Variants in FOXP1 observed in about 807,000 individuals in gnomAD.
The protein encoded by FOXP1 is forkhead box protein P1.
A neutral mutation model predicts 98.2 loss-of-function variants in FOXP1; 15 were observed. That is an observed-to-expected ratio of 0.15 (90% CI 0.10 to 0.24). The LOEUF is 0.24. Ranked by LOEUF, FOXP1 falls within the 10% of genes least tolerant of loss-of-function variation. FOXP1 has a pLI of 1.00. For synonymous variants in FOXP1, 371 were observed against 314.5 expected (o/e 1.18, Z -1.90); for missense variants, 633 against 848.5 (o/e 0.75, Z 3.15).
chr3:71,092,166 C>T (rs575481274), intron 7 of FOXP1, among the ~76,000 whole-genome samples: 10 of 148,856 alleles, frequency 6.7e-5, no homozygotes, highest in African/African-American at 2.0e-4. Context: ...CCAGCCTGGG[C>T]GACAGAGTGA....
intron 3 of FOXP1, among the ~76,000 whole-genome samples, chr3:71,441,624 G>A (rs2085951720): frequency 1.3e-5 from 2 of 152,216 alleles, no homozygotes; most frequent in East Asian, 3.8e-4. Context: ...TGTGTCCAAA[G>A]TCAGTACCAC....
intron 2 of FOXP1, among the ~76,000 whole-genome samples, chr3:71,577,051 T>C (rs1478541503): frequency 6.6e-6 from 1 of 152,168 alleles, no homozygotes; most frequent in Non-Finnish European, 1.5e-5. Flanking sequence ...ATTTCACGAC[T>C]GGGTAAAACA....
chr3:71,175,294 A>G lies in FOXP1; in HGVS notation c.180+22908T>C, dbSNP rs374767966. Among the ~76,000 whole-genome samples, 29 of 152,304 alleles carry G rather than the reference A, an allele frequency of 1.9e-4. No homozygotes were observed. The East Asian group carries it at 1.9e-3, about 10-fold the overall frequency. On this transcript the variant is annotated intron_variant, in intron 6 of 20. Transcript: ENST00000649528. ...CATGTACTTCATTTCTCATTCTGGG[A>G]ATCAAAAGAGCTTGACTTACTTCTT...
At chr3:71,052,473 T>G (rs2050038183) in intron 9 of FOXP1, 64 bp downstream of exon 9, 5 of 858,984 alleles carry the variant, frequency 5.8e-6, no homozygotes, top group Non-Finnish European at 1.0e-5. Context: ...GAATGACAGT[T>G]TAATAGCCAC....
At chr3:71,485,632 G>A (rs1011379250) in intron 3 of FOXP1, among the ~76,000 whole-genome samples, 1 of 152,130 alleles carries the variant, frequency 6.6e-6, no homozygotes, top group African/African-American at 2.4e-5. Flanking sequence ...AGCCAGGTGT[G>A]ATGGCGTGTA....
chr3:71,236,646 G>C (rs565689961), intron 5 of FOXP1, among the ~76,000 whole-genome samples: 2 of 152,298 alleles, frequency 1.3e-5, no homozygotes, highest in South Asian at 4.1e-4. Flanking sequence ...AAGGCAGGAG[G>C]ACGGCTTGAG....
At chr3:71,245,431 T>G (rs1177926505) in intron 5 of FOXP1, 1 of 152,054 alleles carries the variant, frequency 6.6e-6, no homozygotes, top group African/African-American at 2.4e-5. Flanking sequence ...AATATCTGAC[T>G]GTAAATTTGC....
At chr3:71,126,879 A>C (rs1051179589) in intron 6 of FOXP1, among the ~76,000 whole-genome samples, 3 of 101,558 alleles carry the variant, frequency 3.0e-5, no homozygotes, top group African/African-American at 9.2e-5. Flanking sequence ...AACAAAAAAA[A>C]AAAACAAAAA....
At chr3:71,474,687 G>C (rs548954054) in intron 3 of FOXP1, among the ~76,000 whole-genome samples, 39 of 152,040 alleles carry the variant, frequency 2.6e-4, no homozygotes, top group African/African-American at 8.9e-4. Flanking sequence ...AATGCCTGAT[G>C]ATCTGTCACT....
intron 14 of FOXP1, among the ~76,000 whole-genome samples, chr3:70,987,568 GCT>G (rs1247609332): frequency 1.3e-5 from 2 of 152,140 alleles, no homozygotes; most frequent in African/African-American, 4.8e-5. Context: ...ACTACTCCCT[GCT>G]CTTTTTCCTA....
At position 71,212,091 on chromosome 3, in the gene FOXP1, C is replaced by T. The variant is rs540595675; in HGVS notation, c.-11-13699G>A. Among the ~76,000 whole-genome samples the T allele has an allele frequency of 5.6e-4, 85 of 152,242 alleles. 1 individual carries two copies. Among genetic ancestry groups the T allele is most frequent in the Admixed American group, 2.2e-3 (33 of 15,292 alleles). On this transcript the variant is annotated intron_variant, in intron 5 of 20. Transcript: ENST00000649528. The stretch of plus-strand genomic sequence containing the variant: ...TCTTTGTTAAATAATGAGCTTACAA[C>T]TGGGAGAGACAGATTAAAGATACTA...
chr3:71,442,021 C>T (rs1272682738), intron 3 of FOXP1, among the ~76,000 whole-genome samples: 2 of 152,208 alleles, frequency 1.3e-5, no homozygotes, highest in Admixed American at 1.3e-4. Flanking sequence ...TTCACCAGAA[C>T]CTTCCCATTC....
In FOXP1 at chr3:70,966,122, T is replaced by G. The variant is rs943487029; in HGVS notation, c.1723-66A>C. ...TGTAAGACAAGGAAACTACTAATTA[T>G]GGGTGTACTCGATAATCTTCAGTTT... On this transcript the variant is annotated intron_variant, in intron 19 of 20. Transcript: ENST00000649528. The G allele has an allele frequency of 2.3e-6, 3 of 1,295,428 alleles. No homozygotes were observed. The Admixed American group carries it at 5.1e-5, about 22-fold the overall frequency. The allele number at this position is 1,295,428 out of a possible 1,614,324, so 80.2% of individuals were successfully genotyped here.
At chr3:71,372,289 T>C (rs947410641) in intron 3 of FOXP1, among the ~76,000 whole-genome samples, 2 of 152,038 alleles carry the variant, frequency 1.3e-5, no homozygotes, top group East Asian at 2.0e-4. Context: ...GCCAACGTGC[T>C]GAGATTACAG....
At chr3:71,343,531 A>G (rs1322444783) in intron 4 of FOXP1, among the ~76,000 whole-genome samples, 1 of 143,282 alleles carries the variant, frequency 7.0e-6, no homozygotes, top group Non-Finnish European at 1.6e-5. Context: ...TCCCCCTACT[A>G]TGAGTTTTTA....
intron 6 of FOXP1, among the ~76,000 whole-genome samples, chr3:71,125,645 A>G (rs1271012714): frequency 6.6e-6 from 1 of 152,208 alleles, no homozygotes; most frequent in East Asian, 1.9e-4. Flanking sequence ...AAAAGTGACA[A>G]TGATCTTTTG....
At chr3:71,049,172 A>T (rs1228001766) in intron 9 of FOXP1, among the ~76,000 whole-genome samples, 3 of 152,158 alleles carry the variant, frequency 2.0e-5, no homozygotes, top group Admixed American at 2.0e-4. Context: ...ATGCCCTGAT[A>T]AACCTCGAGT....
intron 11 of FOXP1, among the ~76,000 whole-genome samples, chr3:71,029,868 T>G (rs2046634224): frequency 6.6e-6 from 1 of 152,188 alleles, no homozygotes; most frequent in Non-Finnish European, 1.5e-5. Flanking sequence ...ATCTACAGAG[T>G]TATTATATAA....
At chr3:71,217,385 CT>C (rs200192321) in intron 5 of FOXP1, among the ~76,000 whole-genome samples, 3 of 151,302 alleles carry the variant, frequency 2.0e-5, no homozygotes, top group African/African-American at 4.9e-5. Context: ...GGATTTTGTT[CT>C]TTTTTTTTAT....
Sources: gnomAD v4.1 joint callset for allele counts (sites outside exome capture counted in the v4.1 genomes callset) on GRCh38, gnomAD v4.1.1 for gene constraint, MANE v1.5 for transcripts, NCBI Gene and HGNC (gene_info 2026-07-23, HGNC 2026-07-21) for gene names.